The following C8orf34 variants were observed in gnomAD, a reference collection of about 807,000 sequenced individuals.
The protein encoded by C8orf34 is uncharacterized protein C8orf34.
Under a neutral mutation model 68.3 loss-of-function variants are expected in C8orf34, and 65 were observed. The ratio of observed to expected loss-of-function variants is 0.95; its 90% CI spans 0.78 to 1.17. The LOEUF is 1.17. C8orf34 is among the 50% of genes most tolerant of loss of function. The pLI is 0.00. For missense variants in C8orf34, 664 were observed against 655.4 expected, an observed-to-expected ratio of 1.01 and a Z score of -0.14; for synonymous variants, 244 against 241.2, an observed-to-expected ratio of 1.01 and a Z score of -0.11.
intron 1 of C8orf34, among the ~76,000 whole-genome samples, chr8:68,419,922 T>C (rs1316739703): frequency 2.0e-5 from 3 of 147,314 alleles, no homozygotes; most frequent in South Asian, 2.2e-4. Flanking sequence ...GGCACATGTA[T>C]ACATATGTAA....
At chr8:68,802,855 T>C (rs968448726) in intron 12 of C8orf34, among the ~76,000 whole-genome samples, 2 of 152,166 alleles carry the variant, frequency 1.3e-5, no homozygotes, top group African/African-American at 4.8e-5. Flanking sequence ...GTGCATTCAA[T>C]TTTACATGTA....
chr8:68,723,404 G>C (rs1821729965), intron 10 of C8orf34, among the ~76,000 whole-genome samples: 1 of 151,998 alleles, frequency 6.6e-6, no homozygotes, highest in Non-Finnish European at 1.5e-5. Context: ...ACATATCCTT[G>C]TTTGCCAAGT....
intron 1 of C8orf34, among the ~76,000 whole-genome samples, chr8:68,385,470 T>A (rs1808222501): frequency 6.6e-6 from 1 of 152,214 alleles, no homozygotes; most frequent in African/African-American, 2.4e-5. Context: ...TTAATTGACC[T>A]ATAATAAAAT....
intron 10 of C8orf34, among the ~76,000 whole-genome samples, chr8:68,738,381 A>G (rs1425138209): frequency 6.6e-6 from 1 of 151,996 alleles, no homozygotes; most frequent in African/African-American, 2.4e-5. Context: ...AACCTTGCAA[A>G]TAGAACAACT....
intron 5 of C8orf34, among the ~76,000 whole-genome samples, chr8:68,505,738 CAAAAAAAA>C (rs778441254): frequency 1.5e-5 from 1 of 68,302 alleles, no homozygotes; most frequent in Non-Finnish European, 3.3e-5. Context: ...ACTCCGTCTC[CAAAAAAAA>C]AAAAAAAAAA....
rs535704175 is a variant in C8orf34, at chr8:68,514,453, G to A, written c.766-7346G>A. On this transcript the variant is annotated intron_variant, in intron 5 of 13. Transcript: ENST00000518698. ...AACCAGGGATCTGTCAACGTGTACA[G>A]GGCAGCTGCTTGCATCAGCTCCCTC... Among the ~76,000 whole-genome samples, 44 of 152,274 alleles carry A rather than the reference G, an allele frequency of 2.9e-4. No individual in the cohort carries two copies. The Middle Eastern group carries it at 0.01, about 35-fold the overall frequency.
rs56135140 is a variant in C8orf34 at position 68,637,145 on chromosome 8, A to C, written c.1106-3231A>C. 2.3e-3 allele frequency among the ~76,000 whole-genome samples: 348 copies of C among 152,324 alleles called. 2 individuals are homozygous for C. The highest frequency in any genetic ancestry group is 7.8e-3 in the African/African-American group (326 of 41,582). ...ACTAGTGAAAAGAAAATCCAGAAGA[A>C]TGAGATTGTTCAACTCTCTTGCCAA... On this transcript the variant is annotated intron_variant, in intron 7 of 13. Coordinates refer to ENST00000518698, the MANE Select transcript of C8orf34 (RefSeq NM_052958.4).
chr8:68,643,688 A>C (rs1304629652), intron 8 of C8orf34, among the ~76,000 whole-genome samples: 6 of 151,994 alleles, frequency 3.9e-5, no homozygotes, highest in Non-Finnish European at 7.4e-5. Flanking sequence ...TGAGGGTTCC[A>C]CCCTTGTGAC....
intron 8 of C8orf34, among the ~76,000 whole-genome samples, chr8:68,642,065 C>T (rs972054354): frequency 1.3e-5 from 2 of 152,216 alleles, no homozygotes; most frequent in East Asian, 1.9e-4. Context: ...GATTGAATAA[C>T]TTGTCCAGAG....
chr8:68,525,583 G>T, intron 6 of C8orf34: 1 of 891,374 alleles, frequency 1.1e-6, no homozygotes, highest in Non-Finnish European at 1.8e-6. Flanking sequence ...GGTCCATGAT[G>T]CCAGCTGAGG....
intron 8 of C8orf34, among the ~76,000 whole-genome samples, chr8:68,671,352 T>A (rs1191783960): frequency 1.3e-5 from 2 of 152,224 alleles, no homozygotes; most frequent in African/African-American, 4.8e-5. Context: ...GTGATTTTAG[T>A]GCCCACAGAT....
At chr8:68,684,050 G>A (rs576675533) in intron 8 of C8orf34, among the ~76,000 whole-genome samples, 1 of 152,326 alleles carries the variant, frequency 6.6e-6, no homozygotes, top group South Asian at 2.1e-4. Context: ...AGGAGGTTAA[G>A]TTTGCTTATT....
intron 12 of C8orf34, among the ~76,000 whole-genome samples, chr8:68,801,329 T>TA (rs1289454173): frequency 2.6e-5 from 4 of 152,182 alleles, no homozygotes; most frequent in Non-Finnish European, 5.9e-5. Context: ...AAACAGAAGA[T>TA]ACGGCAATAC....
intron 1 of C8orf34, among the ~76,000 whole-genome samples, chr8:68,404,654 T>A (rs1175113036): frequency 6.6e-6 from 1 of 152,186 alleles, no homozygotes; most frequent in Non-Finnish European, 1.5e-5. Context: ...TTGCTTGTTT[T>A]TGTCAGGTTT....
rs1354057370 is a variant in C8orf34 at position 68,595,995 on chromosome 8, G to A, written c.1106-44381G>A. Reference sequence around the variant, plus strand: ...GTATGTTTCCAATATCACCCTTTATGTCTCTGAAGATATCCATTATGATTA... The same window carrying A: ...GTATGTTTCCAATATCACCCTTTATATCTCTGAAGATATCCATTATGATTA... On this transcript the variant is annotated intron_variant, in intron 7 of 13. Transcript: ENST00000518698. Among the ~76,000 whole-genome samples, 4 of 151,902 alleles carry A rather than the reference G, an allele frequency of 2.6e-5. No individual in the cohort carries two copies. The East Asian group carries it at 7.7e-4, about 29-fold the overall frequency.
chr8:68,557,639 A>G (rs1194004253), intron 7 of C8orf34, among the ~76,000 whole-genome samples: 1 of 152,150 alleles, frequency 6.6e-6, no homozygotes, highest in African/African-American at 2.4e-5. Flanking sequence ...TGCCTGCCAT[A>G]GAACAACCTT....
At chr8:68,567,179 G>A (rs180805041) in intron 7 of C8orf34, among the ~76,000 whole-genome samples, 2 of 152,004 alleles carry the variant, frequency 1.3e-5, no homozygotes, top group Non-Finnish European at 2.9e-5. Flanking sequence ...TCTCTGTCTT[G>A]TGGAATAATG....
chr8:68,623,042 T>C (rs1818433776), intron 7 of C8orf34, among the ~76,000 whole-genome samples: 1 of 152,180 alleles, frequency 6.6e-6, no homozygotes, highest in Non-Finnish European at 1.5e-5. Context: ...GAACAGGTTA[T>C]TGTGTTATGG....
At chr8:68,333,301 C>CA (rs1257224534) in intron 1 of C8orf34, among the ~76,000 whole-genome samples, 1 of 152,030 alleles carries the variant, frequency 6.6e-6, no homozygotes, top group Non-Finnish European at 1.5e-5. Context: ...GTCCCCTCAC[C>CA]AAAAAACAAG....
Sources: allele counts gnomAD v4.1 joint callset (sites outside exome capture counted in the v4.1 genomes callset), GRCh38; gene constraint gnomAD v4.1.1; transcripts MANE v1.5; gene names NCBI Gene and HGNC (gene_info 2026-07-23, HGNC 2026-07-21).